The following MALRD1 variants were observed in gnomAD, a reference collection of about 807,000 sequenced individuals.
MALRD1 encodes the protein MAM and LDL receptor class A domain containing 1.
A neutral mutation model predicts 242.1 loss-of-function variants in MALRD1; 247 were observed. That is an observed-to-expected ratio of 1.02 (90% CI 0.92 to 1.13). The LOEUF (loss-of-function observed/expected upper bound fraction) is 1.13. MALRD1 is among the 50% of genes most tolerant of loss of function. The pLI, the probability that MALRD1 is intolerant of heterozygous loss-of-function variation, is 0.00. For synonymous variants in MALRD1, 995 were observed against 866.6 expected, an observed-to-expected ratio of 1.15 and a Z score of -2.60; for missense variants, 2,989 against 2,533.1, an observed-to-expected ratio of 1.18 and a Z score of -3.86.
chr10:19,471,803 A>T (rs901367377), intron 29 of MALRD1, among the ~76,000 whole-genome samples: 7 of 151,718 alleles, frequency 4.6e-5, no homozygotes, highest in African/African-American at 1.7e-4. Flanking sequence ...TTGTTTAATA[A>T]TTCTAACAGG....
chr10:19,246,535 G>T (rs1839055446), intron 18 of MALRD1, among the ~76,000 whole-genome samples: 1 of 152,100 alleles, frequency 6.6e-6, no homozygotes, highest in African/African-American at 2.4e-5. Context: ...AGGGATTTCT[G>T]ATTTGAGGCA....
At chr10:19,514,866 A>G (rs866738149) in intron 31 of MALRD1, among the ~76,000 whole-genome samples, 5 of 151,482 alleles carry the variant, frequency 3.3e-5, no homozygotes, top group Admixed American at 6.5e-5. Context: ...GTTTTAACAT[A>G]GAGGATCAAA....
At chr10:19,124,737 A>G (rs1588579725) in intron 7 of MALRD1, 67 bp downstream of exon 7, 1 of 1,200,502 alleles carries the variant, frequency 8.3e-7, no homozygotes, top group Non-Finnish European at 1.0e-6. Context: ...ACTAGTTATA[A>G]GACATTACAT....
chr10:19,273,653 A>G (rs759640426), intron 19 of MALRD1, among the ~76,000 whole-genome samples: 30 of 152,212 alleles, frequency 2.0e-4, no homozygotes, highest in Non-Finnish European at 2.9e-5. Flanking sequence ...TATGATTCTG[A>G]CAATATGACG....
At chr10:19,414,293 G>A (rs1290566055) in intron 28 of MALRD1, among the ~76,000 whole-genome samples, 1 of 152,116 alleles carries the variant, frequency 6.6e-6, no homozygotes. Context: ...TTATTACAGA[G>A]CAATAACTGA....
intron 38 of MALRD1, among the ~76,000 whole-genome samples, chr10:19,700,275 G>T (rs188149979): frequency 3.0e-4 from 46 of 152,260 alleles, no homozygotes; most frequent in Admixed American, 1.0e-3. Context: ...ATGCTTCAGA[G>T]CCAGAACATA....
At chr10:19,435,503 G>C (rs1478718968) in intron 28 of MALRD1, among the ~76,000 whole-genome samples, 3 of 152,046 alleles carry the variant, frequency 2.0e-5, no homozygotes, top group Non-Finnish European at 4.4e-5. Flanking sequence ...GATCATGAGA[G>C]TTTTAAGGCA....
chr10:19,620,033 A>ATAATAATAATAG (rs1839333478), intron 36 of MALRD1, among the ~76,000 whole-genome samples: 1 of 151,302 alleles, frequency 6.6e-6, no homozygotes, highest in African/African-American at 2.4e-5. Context: ...AATAATAATA[A>ATAATAATAATAG]TATATTGTTT....
intron 32 of MALRD1, among the ~76,000 whole-genome samples, chr10:19,545,425 G>A (rs996566486): frequency 2.0e-5 from 3 of 152,026 alleles, no homozygotes; most frequent in Admixed American, 6.6e-5. Flanking sequence ...AAAAGCAATC[G>A]TGTCTATATT....
At chr10:19,140,381 G>T (rs1384686636) in intron 10 of MALRD1, among the ~76,000 whole-genome samples, 4 of 152,004 alleles carry the variant, frequency 2.6e-5, no homozygotes, top group African/African-American at 9.7e-5. Flanking sequence ...CCAAACAATA[G>T]ATTTTTGATG....
intron 24 of MALRD1, among the ~76,000 whole-genome samples, chr10:19,340,956 T>G (rs1485009968): frequency 1.3e-5 from 2 of 152,134 alleles, no homozygotes; most frequent in Admixed American, 1.3e-4. Flanking sequence ...GTATTAAAAT[T>G]TGAAAAGCAT....
rs867965315 is a variant in MALRD1 at position 19,238,449 on chromosome 10, T to C, written c.2992-19235T>C. 7.3e-4 allele frequency among the ~76,000 whole-genome samples: 36 copies of C among 49,280 alleles called. 4 individuals are homozygous for C. The highest frequency in any genetic ancestry group is 3.3e-3 in the African/African-American group (31 of 9,274). 32.3% of individuals were successfully genotyped at this position (49,280 alleles called of 152,430 possible). On this transcript the variant is annotated intron_variant, in intron 18 of 39. Coordinates refer to ENST00000454679, the MANE Select transcript of MALRD1 (RefSeq NM_001142308.3). Reference sequence around the variant, plus strand: ...ATTATATATAATATATAATATACATTATATATAATATATAATATAATATAT... The same window carrying C: ...ATTATATATAATATATAATATACATCATATATAATATATAATATAATATAT...
rs1231465003 is a variant in MALRD1, at chr10:19,692,519, CT to C, written c.6281del (p.Leu2094CysfsTer11). On this transcript the variant is annotated frameshift_variant, in exon 38 of 40. Coordinates refer to ENST00000454679, the MANE Select transcript of MALRD1 (RefSeq NM_001142308.3). LOFTEE classifies it high-confidence loss of function. ...FLMTHITVAV[L>X]CFLANRKVPI... is the part of the protein sequence containing the mutation. ...TGATGACTCACATCACAGTTGCAGTCTTGTGTTTTCTTGCAAACAGAAAGGT... is the reference window on the plus strand; with the variant it reads ...TGATGACTCACATCACAGTTGCAGTCTGTGTTTTCTTGCAAACAGAAAGGT... 11 of 1,535,646 alleles carry C rather than the reference CT, an allele frequency of 7.2e-6. No homozygotes were observed. The East Asian group carries it at 2.7e-4, about 38-fold the overall frequency.
intron 36 of MALRD1, among the ~76,000 whole-genome samples, chr10:19,652,007 G>A (rs1378922360): frequency 6.6e-6 from 1 of 152,166 alleles, no homozygotes. Flanking sequence ...GTGTGGTTGC[G>A]ACTTGAACCT....
chr10:19,630,821 T>C (rs1187005857), intron 36 of MALRD1, among the ~76,000 whole-genome samples: 1 of 152,134 alleles, frequency 6.6e-6, no homozygotes, highest in Non-Finnish European at 1.5e-5. Flanking sequence ...AACAAATATA[T>C]ATTTATATTG....
intron 35 of MALRD1, among the ~76,000 whole-genome samples, chr10:19,615,182 T>G (rs2131608817): frequency 6.6e-6 from 1 of 152,108 alleles, no homozygotes; most frequent in East Asian, 1.9e-4. Flanking sequence ...TATATACATA[T>G]AACTTTGTAC....
intron 38 of MALRD1, among the ~76,000 whole-genome samples, chr10:19,695,856 A>G (rs1268575057): frequency 6.6e-6 from 1 of 152,028 alleles, no homozygotes; most frequent in Non-Finnish European, 1.5e-5. Context: ...AGCAGGCAAG[A>G]GAGCTTGTGT....
At chr10:19,064,251 T>TC (rs1834905980) in intron 1 of MALRD1, among the ~76,000 whole-genome samples, 1 of 152,230 alleles carries the variant, frequency 6.6e-6, no homozygotes, top group Non-Finnish European at 1.5e-5. Context: ...CATTATATTG[T>TC]CCAACTGTGG....
intron 31 of MALRD1, among the ~76,000 whole-genome samples, chr10:19,526,520 T>C (rs897439198): frequency 6.6e-6 from 1 of 152,112 alleles, no homozygotes; most frequent in African/African-American, 2.4e-5. Flanking sequence ...TCTTAAATTT[T>C]AAAATGGATA....
Sources: allele counts gnomAD v4.1 joint callset (sites outside exome capture counted in the v4.1 genomes callset), GRCh38; gene constraint gnomAD v4.1.1; transcripts MANE v1.5; gene names NCBI Gene and HGNC (gene_info 2026-07-23, HGNC 2026-07-21).